NEK11: variants seen among roughly 807,000 people sequenced by gnomAD.
NEK11 encodes NIMA related kinase 11.
Under a neutral mutation model 80.7 loss-of-function variants are expected in NEK11, and 72 were observed. The ratio of observed to expected loss-of-function variants is 0.89; its 90% CI spans 0.74 to 1.08. The LOEUF (loss-of-function observed/expected upper bound fraction) is 1.08. Ranked by LOEUF, NEK11 falls within the 50% of genes least tolerant of loss-of-function variation. The pLI, the probability that NEK11 is intolerant of heterozygous loss-of-function variation, is 0.00. For missense variants in NEK11, 764 were observed against 763.6 expected (o/e 1.00, Z -0.01); for synonymous variants, 251 against 260.7 (o/e 0.96, Z 0.36).
At chr3:131,192,044 A>G (rs2093817035) in intron 14 of NEK11, among the ~76,000 whole-genome samples, 1 of 152,200 alleles carries the variant, frequency 6.6e-6, no homozygotes, top group South Asian at 2.1e-4. Context: ...GCACATATCC[A>G]ATAAGGGATT....
chr3:131,168,835 A>G lies in NEK11; in HGVS notation c.1182A>G (p.Lys394=). The change falls in exon 13 of 18, where the codon AAA becomes AAG. Residue 394 remains lysine, a synonymous_variant. Transcript: ENST00000383366. ...QQLSVDVLHE[K]THLKGMEEKE... The stretch of plus-strand genomic sequence containing the variant: ...CTTTGTCATAATCTCTTTAGGAAAA[A>G]ACACATTTAAAAGGAATGGAAGAAA... 1 of 1,612,660 alleles carries G rather than the reference A, an allele frequency of 6.2e-7. No homozygotes were observed. Among genetic ancestry groups the G allele is most frequent in the Non-Finnish European group, 8.5e-7 (1 of 1,178,922 alleles).
intron 17 of NEK11, among the ~76,000 whole-genome samples, chr3:131,297,210 A>G (rs548505464): frequency 5.2e-4 from 78 of 151,238 alleles, no homozygotes; most frequent in African/African-American, 1.8e-3. Context: ...TGGTATTTCT[A>G]GTTCTAGATC....
intron 14 of NEK11, 86 bp downstream of exon 14, chr3:131,170,973 C>T (rs1484963268): frequency 1.1e-6 from 1 of 904,384 alleles, no homozygotes; most frequent in Non-Finnish European, 1.9e-6. Flanking sequence ...TCTGTCTGGC[C>T]TCTGGGAGAA....
At chr3:131,257,434 G>A (rs1427842) in intron 16 of NEK11, among the ~76,000 whole-genome samples, 2,779 of 152,176 alleles carry the variant, frequency 0.018, 39 homozygotes, top group East Asian at 0.083. Flanking sequence ...CCTTACAAGG[G>A]AAATGAGAAT....
chr3:131,160,202 G>GAT (rs2091346091), intron 10 of NEK11, among the ~76,000 whole-genome samples: 1 of 152,136 alleles, frequency 6.6e-6, no homozygotes, highest in Admixed American at 6.5e-5. Flanking sequence ...ACATACAAAG[G>GAT]GAAGCCCATC....
At chr3:131,273,208 A>G (rs2096231658) in intron 16 of NEK11, among the ~76,000 whole-genome samples, 3 of 152,232 alleles carry the variant, frequency 2.0e-5, no homozygotes, top group African/African-American at 7.2e-5. Context: ...TAAAAAGCTC[A>G]TCTTTTAAAT....
chr3:131,080,719 C>CT, intron 4 of NEK11, 131 bp downstream of exon 4: 2 of 731,530 alleles, frequency 2.7e-6, no homozygotes, highest in Non-Finnish European at 4.3e-6. Context: ...GATCCCATGT[C>CT]TTGCAGCTAA....
intron 14 of NEK11, among the ~76,000 whole-genome samples, chr3:131,219,564 A>AT (rs1388174063): frequency 6.6e-6 from 1 of 151,644 alleles, no homozygotes; most frequent in Non-Finnish European, 1.5e-5. Flanking sequence ...TACAAAAAAA[A>AT]AAAAGAGGAA....
intron 1 of NEK11, 118 bp downstream of exon 1, chr3:131,027,124 C>G (rs141930794): frequency 6.6e-6 from 1 of 152,262 alleles, no homozygotes; most frequent in African/African-American, 2.4e-5. Context: ...GCGATCTCCT[C>G]GCTTTCCTGG....
chr3:131,240,308 T>C (rs2095501018), intron 15 of NEK11, among the ~76,000 whole-genome samples: 1 of 152,188 alleles, frequency 6.6e-6, no homozygotes, highest in Non-Finnish European at 1.5e-5. Flanking sequence ...TGTTTCCTAA[T>C]AGGTGTGGCA....
At chr3:131,214,182 C>A (rs1225659190) in intron 14 of NEK11, among the ~76,000 whole-genome samples, 1 of 152,212 alleles carries the variant, frequency 6.6e-6, no homozygotes, top group East Asian at 1.9e-4. Flanking sequence ...CCCAAACTAA[C>A]TAAGATATTG....
chr3:131,123,539 A>G (rs2082749897), intron 5 of NEK11, among the ~76,000 whole-genome samples: 1 of 152,148 alleles, frequency 6.6e-6, no homozygotes, highest in Admixed American at 6.6e-5. Flanking sequence ...TTGTTCCATT[A>G]CCACAGTGCC....
At chr3:131,232,994 A>AAGGAAGGAAGGG (rs2095359609) in intron 15 of NEK11, among the ~76,000 whole-genome samples, 1 of 144,058 alleles carries the variant, frequency 6.9e-6, no homozygotes, top group South Asian at 2.4e-4. Flanking sequence ...GGAAGGAAGG[A>AAGGAAGGAAGGG]AGGAAGGAAG....
intron 15 of NEK11, 75 bp from the exon 16 acceptor site, chr3:131,243,361 A>G (rs2108111574): frequency 7.2e-7 from 1 of 1,380,954 alleles, no homozygotes; most frequent in Non-Finnish European, 1.0e-6. Flanking sequence ...TAAATGTAGT[A>G]AGAACATTTT....
chr3:131,094,220 A>G (rs571741458), intron 4 of NEK11, among the ~76,000 whole-genome samples: 6 of 151,776 alleles, frequency 4.0e-5, no homozygotes, highest in African/African-American at 1.5e-4. Flanking sequence ...CAAAAGACCC[A>G]TTCAGTGGGT....
chr3:131,049,988 A>G (rs2068088871), intron 3 of NEK11, among the ~76,000 whole-genome samples: 1 of 151,718 alleles, frequency 6.6e-6, no homozygotes, highest in Admixed American at 6.6e-5. Context: ...ATCAAAAGGC[A>G]TTAATATGGC....
rs2074320937 is a variant in NEK11 at position 131,076,172 on chromosome 3, A to T, written c.171-4251A>T. Among the ~76,000 whole-genome samples the T allele has an allele frequency of 2.0e-5, 3 of 152,308 alleles. No individual in the cohort carries two copies. The South Asian group carries it at 6.2e-4, about 32-fold the overall frequency. ...TCTCTCCATGGGAGGCAAGACTCAC[A>T]GCCCAGGGATCTGCCACAGTGTAAG... On this transcript the variant is annotated intron_variant, in intron 3 of 17. Coordinates refer to ENST00000383366, the MANE Select transcript of NEK11 (RefSeq NM_024800.5).
At chr3:131,169,537 A>G (rs1194424124) in intron 13 of NEK11, among the ~76,000 whole-genome samples, 1 of 152,256 alleles carries the variant, frequency 6.6e-6, no homozygotes, top group East Asian at 1.9e-4. Context: ...CATGTTAGGC[A>G]CTGTTTCTCT....
Position 131,132,770 on chromosome 3 carries a change from T to C in NEK11, c.481T>C (p.Ser161Pro), listed in dbSNP as rs759742040. The change falls in exon 6 of 18, where the codon TCA (serine) becomes CCA (proline). Residue 161 changes from serine (S) to proline (P), a missense_variant. By Grantham distance (74) the Ser-to-Pro change is moderately conservative (BLOSUM62 -1). Coordinates refer to ENST00000383366, the MANE Select transcript of NEK11 (RefSeq NM_024800.5). The part of the protein sequence containing the change: ...ERRILHRDLK[S>P]KNVFLKNNLL... ...GAGGATACTTCATCGAGACTTAAAGTCAAAGAATGTATTTCTGAAAAATAA... is the reference window on the plus strand; with the variant it reads ...GAGGATACTTCATCGAGACTTAAAGCCAAAGAATGTATTTCTGAAAAATAA... The C allele has an allele frequency of 3.5e-5, 54 of 1,534,516 alleles. No individual in the cohort carries two copies. The highest frequency in any genetic ancestry group is 4.7e-5 in the Non-Finnish European group (53 of 1,126,810).
Sources: allele counts gnomAD v4.1 joint callset (sites outside exome capture counted in the v4.1 genomes callset), GRCh38; gene constraint gnomAD v4.1.1; transcripts MANE v1.5; gene names NCBI Gene and HGNC (gene_info 2026-07-23, HGNC 2026-07-21).